The following PLD1 variants were observed in gnomAD, a reference collection of about 807,000 sequenced individuals.
The protein encoded by PLD1 is phospholipase D1.
In PLD1, 112 loss-of-function variants were observed where a neutral mutation model predicts 137.1. The ratio of observed to expected loss-of-function variants is 0.82; its 90% CI spans 0.70 to 0.96. PLD1 has a LOEUF of 0.96. Among genes scored for constraint, PLD1 ranks in the 40% least tolerant of loss-of-function variants. PLD1 has a pLI of 0.00. For missense variants in PLD1, 1,321 were observed against 1,342.0 expected (o/e 0.98, Z 0.24); for synonymous variants, 431 against 454.7 (o/e 0.95, Z 0.66).
chr3:171,726,042 A>G lies in PLD1; in HGVS notation c.641T>C (p.Ile214Thr), dbSNP rs2046436501. The change falls in exon 7 of 27, where the codon ATC becomes ACC. Residue 214 changes from isoleucine (I) to threonine (T), a missense_variant. By Grantham distance (89) the Ile-to-Thr change is moderately conservative. Transcript: ENST00000351298. ...EFLDISQLSFIHDLGPKGIEG... is the reference protein window; with the variant it reads ...EFLDISQLSFTHDLGPKGIEG... ...CATGCCCTTTGGTCCCAAATCATGG[A>G]TGAAAGACAGCTGGCTTATATCAAG... 1 of 1,612,818 alleles carries G rather than the reference A, an allele frequency of 6.2e-7. No individual in the cohort carries two copies. The highest frequency in any genetic ancestry group is 1.1e-5 in the South Asian group (1 of 91,052).
chr3:171,640,821 C>G (rs1578168425), intron 23 of PLD1, among the ~76,000 whole-genome samples: 1 of 152,228 alleles, frequency 6.6e-6, no homozygotes, highest in Non-Finnish European at 1.5e-5. Context: ...CTAGTGCCCA[C>G]TAGGGGATCT....
chr3:171,639,027 T>C (rs1735405890), intron 23 of PLD1, among the ~76,000 whole-genome samples: 2 of 151,928 alleles, frequency 1.3e-5, no homozygotes, highest in Non-Finnish European at 2.9e-5. Context: ...TCTGAGGCCT[T>C]CAGACTTGGA....
chr3:171,706,163 TATC>T (rs780542791), intron 11 of PLD1, among the ~76,000 whole-genome samples: 4 of 151,886 alleles, frequency 2.6e-5, no homozygotes, highest in Non-Finnish European at 5.9e-5. Flanking sequence ...TCTATCTATC[TATC>T]TACAACTGAT....
At chr3:171,673,893 G>A (rs1381897017) in intron 19 of PLD1, among the ~76,000 whole-genome samples, 1 of 150,712 alleles carries the variant, frequency 6.6e-6, no homozygotes, top group South Asian at 2.1e-4. Flanking sequence ...AGCTGTAGTT[G>A]GTAAAGGAAG....
chr3:171,714,247 G>A (rs888419633), intron 8 of PLD1, among the ~76,000 whole-genome samples: 4 of 151,988 alleles, frequency 2.6e-5, no homozygotes, highest in African/African-American at 7.3e-5. Flanking sequence ...GTTTTTCTAA[G>A]AAACAGTGTA....
chr3:171,702,865 A>G (rs1560232870), intron 11 of PLD1, among the ~76,000 whole-genome samples: 2 of 152,186 alleles, frequency 1.3e-5, no homozygotes, highest in South Asian at 2.1e-4. Context: ...AACACTTACT[A>G]TCTTATTTAA....
chr3:171,797,760 A>G (rs553890796), intron 1 of PLD1, among the ~76,000 whole-genome samples: 1 of 152,392 alleles, frequency 6.6e-6, no homozygotes, highest in African/African-American at 2.4e-5. Context: ...ATTAATGTGA[A>G]TGAAGTTTTC....
At chr3:171,745,922 T>G (rs1294031001) in intron 1 of PLD1, among the ~76,000 whole-genome samples, 3 of 151,844 alleles carry the variant, frequency 2.0e-5, no homozygotes, top group East Asian at 3.9e-4. Context: ...GGCTGCCTGC[T>G]GCACTCACAG....
intron 1 of PLD1, among the ~76,000 whole-genome samples, chr3:171,770,199 G>A (rs1722245807): frequency 6.6e-6 from 1 of 152,018 alleles, no homozygotes; most frequent in African/African-American, 2.4e-5. Flanking sequence ...TTTTACAGCT[G>A]TTCTTTAATC....
intron 1 of PLD1, among the ~76,000 whole-genome samples, chr3:171,746,700 C>G (rs1323919436): frequency 6.6e-6 from 1 of 152,158 alleles, no homozygotes; most frequent in Admixed American, 6.5e-5. Flanking sequence ...GTGTCTAGCT[C>G]AAGGTTTGTA....
chr3:171,764,945 A>AGGAAGGAAGGAAGGAAG (rs377335005), intron 1 of PLD1, among the ~76,000 whole-genome samples: 3 of 27,832 alleles, frequency 1.1e-4, no homozygotes, highest in African/African-American at 3.6e-4. Flanking sequence ...AAAGAAAGAA[A>AGGAAGGAAGGAAGGAAG]GAAAGAAAGA....
intron 8 of PLD1, among the ~76,000 whole-genome samples, chr3:171,714,488 C>G (rs1717525073): frequency 6.6e-6 from 1 of 152,142 alleles, no homozygotes; most frequent in East Asian, 1.9e-4. Flanking sequence ...CATTTGAAAA[C>G]TGAGAAGTAA....
At chr3:171,699,687 T>C in intron 12 of PLD1, 58 bp downstream of exon 12, 1 of 1,241,814 alleles carries the variant, frequency 8.1e-7, no homozygotes, top group Non-Finnish European at 1.2e-6. Flanking sequence ...AAGAAAAGCA[T>C]TTCAGAGACA....
chr3:171,666,808 T>C (rs574520103), intron 19 of PLD1, among the ~76,000 whole-genome samples: 3 of 152,318 alleles, frequency 2.0e-5, no homozygotes, highest in African/African-American at 7.2e-5. Flanking sequence ...AATTTTAAAA[T>C]ATATAAAAAA....
intron 12 of PLD1, among the ~76,000 whole-genome samples, chr3:171,692,678 G>A (rs150101413): frequency 3.3e-5 from 5 of 151,964 alleles, no homozygotes; most frequent in East Asian, 1.9e-4. Flanking sequence ...ATGCCACCAC[G>A]CCCAGTTAAT....
chr3:171,688,849 A>C lies in PLD1; in HGVS notation c.1366T>G (p.Ser456Ala), dbSNP rs756146168. 6.2e-7 allele frequency: 1 copy of C among 1,614,026 alleles called. No individual in the cohort carries two copies. The highest frequency in any genetic ancestry group is 8.5e-7 in the Non-Finnish European group (1 of 1,179,938). The part of the protein sequence containing the change: ...KVMRHPDHVS[S>A]TVYLWAHHEK... ...TGGTGAGCCCACAAATAGACGGTGGATGACACATGATCCGGGTGTCTCATC... is the reference window on the plus strand; with the variant it reads ...TGGTGAGCCCACAAATAGACGGTGGCTGACACATGATCCGGGTGTCTCATC... Residue 456 changes from serine to alanine, a missense_variant, in exon 14 of 27, where the codon TCC (serine) becomes GCC (alanine). Ser to Ala is a moderately conservative substitution (Grantham distance 99, BLOSUM62 1). Transcript: ENST00000351298.
chr3:171,624,842 A>G (rs1015150711), intron 23 of PLD1, among the ~76,000 whole-genome samples: 4 of 152,162 alleles, frequency 2.6e-5, no homozygotes, highest in African/African-American at 7.2e-5. Flanking sequence ...GAAAATATAC[A>G]ACTATCTGAG....
At chr3:171,646,896 T>C (rs533117055) in intron 21 of PLD1, among the ~76,000 whole-genome samples, 36 of 152,312 alleles carry the variant, frequency 2.4e-4, no homozygotes, top group Admixed American at 2.4e-3. Context: ...TACACCTTCC[T>C]ACTAATAAAG....
intron 19 of PLD1, among the ~76,000 whole-genome samples, chr3:171,671,217 T>G (rs1712710093): frequency 6.6e-6 from 1 of 152,206 alleles, no homozygotes; most frequent in Admixed American, 6.5e-5. Flanking sequence ...CTAGCGACAC[T>G]TTTATATACC....
Sources: allele counts gnomAD v4.1 joint callset (sites outside exome capture counted in the v4.1 genomes callset), GRCh38; gene constraint gnomAD v4.1.1; transcripts MANE v1.5; gene names NCBI Gene and HGNC (gene_info 2026-07-23, HGNC 2026-07-21).